Variants in CCSER2 observed in about 807,000 individuals in gnomAD.
The protein encoded by CCSER2 is coiled-coil serine rich protein 2.
CCSER2 carries 46 observed loss-of-function variants against 92.3 expected under a neutral mutation model. That is an observed-to-expected ratio of 0.50 (90% CI 0.39 to 0.64). The LOEUF is 0.64. CCSER2 is among the 30% of genes least tolerant of loss of function. CCSER2 has a pLI of 0.00. For missense variants in CCSER2, 1,244 were observed against 1,238.9 expected, an observed-to-expected ratio of 1.00 and a Z score of -0.06; for synonymous variants, 433 against 431.4, an observed-to-expected ratio of 1.00 and a Z score of -0.04.
intron 9 of CCSER2, among the ~76,000 whole-genome samples, chr10:84,496,112 A>G (rs1181099796): frequency 1.3e-5 from 2 of 152,092 alleles, no homozygotes; most frequent in Non-Finnish European, 2.9e-5. Context: ...ACACACACAT[A>G]CATATATATT....
intron 1 of CCSER2, among the ~76,000 whole-genome samples, chr10:84,362,063 G>T (rs971855378): frequency 6.6e-6 from 1 of 152,148 alleles, no homozygotes; most frequent in Admixed American, 6.5e-5. Flanking sequence ...GTGTATTCTG[G>T]TGAATCAAAC....
intron 9 of CCSER2, among the ~76,000 whole-genome samples, chr10:84,502,129 A>G (rs1554868504): frequency 6.6e-6 from 1 of 151,016 alleles, no homozygotes; most frequent in Non-Finnish European, 1.5e-5. Flanking sequence ...TTTTTTAGTT[A>G]TAAAATATAG....
At chr10:84,493,831 A>G (rs1256310638) in intron 9 of CCSER2, among the ~76,000 whole-genome samples, 1 of 152,218 alleles carries the variant, frequency 6.6e-6, no homozygotes, top group African/African-American at 2.4e-5. Context: ...ATTGTAATAT[A>G]TAATGAAATA....
rs1189837430 is a variant in CCSER2 at position 84,517,645 on chromosome 10, C to T, written c.*3378C>T. The T allele has an allele frequency of 1.3e-5, 2 of 152,628 alleles. No individual in the cohort carries two copies. The highest frequency in any genetic ancestry group is 2.9e-5 in the Non-Finnish European group (2 of 68,038). The allele number at this position is 152,628 out of a possible 1,614,324, so 9.5% of individuals were successfully genotyped here. The stretch of plus-strand genomic sequence containing the variant: ...TTGCTGTTTGAAGATATCAGTACAG[C>T]TGTTCACAGAAATATATTCCCAGCA... On this transcript the variant is annotated 3_prime_UTR_variant, in exon 10 of 10. Coordinates refer to ENST00000372088, the MANE Select transcript of CCSER2 (RefSeq NM_001284240.2).
intron 2 of CCSER2, 91 bp from the exon 3 acceptor site, chr10:84,373,528 G>T: frequency 1.0e-6 from 1 of 976,636 alleles, no homozygotes; most frequent in African/African-American, 1.6e-5. Flanking sequence ...CAGCTTTTTT[G>T]CTATGATATA....
At chr10:84,337,305 C>T (rs1420608017) in intron 1 of CCSER2, among the ~76,000 whole-genome samples, 1 of 152,096 alleles carries the variant, frequency 6.6e-6, no homozygotes, top group Non-Finnish European at 1.5e-5. Context: ...AGAAGCCGCA[C>T]GCCTATAAAG....
At chr10:84,492,251 G>A (rs570663908) in intron 9 of CCSER2, among the ~76,000 whole-genome samples, 1 of 150,932 alleles carries the variant, frequency 6.6e-6, no homozygotes, top group Non-Finnish European at 1.5e-5. Context: ...CTGCACTCCA[G>A]CCTGGGTGGC....
intron 1 of CCSER2, among the ~76,000 whole-genome samples, chr10:84,360,788 C>G (rs1845457180): frequency 6.6e-6 from 1 of 152,202 alleles, no homozygotes; most frequent in Non-Finnish European, 1.5e-5. Context: ...GGAGTGGAGT[C>G]CAGAGATCTT....
intron 1 of CCSER2, among the ~76,000 whole-genome samples, chr10:84,351,334 C>T (rs902537988): frequency 3.3e-5 from 5 of 151,950 alleles, no homozygotes; most frequent in African/African-American, 1.2e-4. Context: ...CAGGTTCAAG[C>T]GATTCTTGTG....
intron 5 of CCSER2, among the ~76,000 whole-genome samples, chr10:84,428,985 G>GTGTGTATATATATATA (rs367824329): frequency 7.1e-6 from 1 of 140,848 alleles, no homozygotes. Flanking sequence ...GTGTGTATGT[G>GTGTGTATATATATATA]TATATATATA....
intron 3 of CCSER2, among the ~76,000 whole-genome samples, chr10:84,393,397 T>C (rs1182205463): frequency 2.0e-5 from 3 of 152,220 alleles, no homozygotes; most frequent in African/African-American, 7.2e-5. Flanking sequence ...TAAAGACAAT[T>C]GTAGAAGTTG....
intron 1 of CCSER2, among the ~76,000 whole-genome samples, chr10:84,341,014 C>T (rs1263589112): frequency 6.7e-6 from 1 of 149,522 alleles, no homozygotes; most frequent in East Asian, 1.9e-4. Flanking sequence ...TTTTCCTACT[C>T]TCATGTACCA....
At chr10:84,424,609 G>A (rs544878704) in intron 4 of CCSER2, among the ~76,000 whole-genome samples, 17 of 150,886 alleles carry the variant, frequency 1.1e-4, no homozygotes, top group Admixed American at 3.3e-4. Flanking sequence ...TGAAACACTC[G>A]TCATGTTTCA....
At chr10:84,346,157 C>T (rs35592731) in intron 1 of CCSER2, among the ~76,000 whole-genome samples, 31,761 of 152,154 alleles carry the variant, frequency 0.21, 3,584 homozygotes, top group Admixed American at 0.34. Context: ...CTCTGCCTCC[C>T]GGGTTCAAGC....
At chr10:84,373,918 A>G in intron 3 of CCSER2, 103 bp downstream of exon 3, 2 of 1,531,596 alleles carry the variant, frequency 1.3e-6, no homozygotes, top group Non-Finnish European at 1.8e-6. Context: ...TAACTTTACT[A>G]CTTTGAGAAA....
chr10:84,447,273 C>T (rs1390347700), intron 6 of CCSER2, among the ~76,000 whole-genome samples: 3 of 152,068 alleles, frequency 2.0e-5, no homozygotes, highest in African/African-American at 4.8e-5. Flanking sequence ...ACCCAACTTA[C>T]GAATTTGTGT....
At chr10:84,347,348 G>A (rs946558519) in intron 1 of CCSER2, among the ~76,000 whole-genome samples, 2 of 152,162 alleles carry the variant, frequency 1.3e-5, no homozygotes, top group Non-Finnish European at 1.5e-5. Flanking sequence ...TCCCAGAAGG[G>A]GCGGCCGGGC....
intron 9 of CCSER2, 75 bp downstream of exon 9, chr10:84,477,739 A>T: frequency 1.3e-6 from 1 of 795,964 alleles, no homozygotes; most frequent in Non-Finnish European, 2.1e-6. Context: ...TTTTTACAGC[A>T]ATCTCTAATG....
chr10:84,383,558 C>G (rs1292090105), intron 3 of CCSER2, among the ~76,000 whole-genome samples: 2 of 152,164 alleles, frequency 1.3e-5, no homozygotes, highest in East Asian at 3.9e-4. Flanking sequence ...GATCTACCCA[C>G]CTCAGCCTCC....
Sources: allele counts gnomAD v4.1 joint callset (sites outside exome capture counted in the v4.1 genomes callset), GRCh38; gene constraint gnomAD v4.1.1; transcripts MANE v1.5; gene names NCBI Gene and HGNC (gene_info 2026-07-23, HGNC 2026-07-21).